LHX2: variants seen among roughly 807,000 people sequenced by gnomAD.
LHX2 encodes the protein LIM/homeobox protein Lhx2.
Under a neutral mutation model 33.0 loss-of-function variants are expected in LHX2, and 6 were observed. The ratio of observed to expected loss-of-function variants is 0.18; its 90% CI spans 0.10 to 0.36. LHX2 has a LOEUF of 0.36. Among genes scored for constraint, LHX2 ranks in the 10% least tolerant of loss-of-function variants. The pLI is 1.00. For missense variants in LHX2, 442 were observed against 586.2 expected, an observed-to-expected ratio of 0.75 and a Z score of 2.54; for synonymous variants, 292 against 253.1, an observed-to-expected ratio of 1.15 and a Z score of -1.46.
chr9:124,032,167 A>G lies in LHX2; in HGVS notation c.934-253A>G. Reference sequence around the variant, plus strand: ...TGAGGCGGGAGGATCGCTTGATCCCAGGAGTTAGAAGCTGCAGTGAGTCGA... The same window carrying G: ...TGAGGCGGGAGGATCGCTTGATCCCGGGAGTTAGAAGCTGCAGTGAGTCGA... On this transcript the variant is annotated intron_variant, in intron 4 of 4. Transcript: ENST00000373615. This position sits in a 1 kb window ranked among gnomAD's most constrained non-coding sequence, Gnocchi z 4.1. 2.3e-6 allele frequency: 1 copy of G among 433,318 alleles called. No individual in the cohort carries two copies. Among genetic ancestry groups the G allele is most frequent in the Non-Finnish European group, 4.1e-6 (1 of 246,738 alleles). 26.8% of individuals were successfully genotyped at this position (433,318 alleles called of 1,614,324 possible).
intron 3 of LHX2, among the ~76,000 whole-genome samples, chr9:124,018,899 G>C (rs1859243954): frequency 6.6e-6 from 1 of 152,086 alleles, no homozygotes; most frequent in African/African-American, 2.4e-5. Context: ...CCACCTAGGC[G>C]GCACTCAGGG....
At chr9:124,013,105 C>T (rs1859121856) in intron 1 of LHX2, among the ~76,000 whole-genome samples, 1 of 152,196 alleles carries the variant, frequency 6.6e-6, no homozygotes, top group South Asian at 2.1e-4. Context: ...CGGGCCCAGC[C>T]CCAAATAGCC....
intron 4 of LHX2, among the ~76,000 whole-genome samples, chr9:124,024,465 T>C (rs1373109684): frequency 6.6e-6 from 1 of 152,194 alleles, no homozygotes; most frequent in Non-Finnish European, 1.5e-5. Flanking sequence ...CTTTGAAAGG[T>C]AACAGACTGG....
At chr9:124,028,088 T>C (rs1828654823) in intron 4 of LHX2, among the ~76,000 whole-genome samples, 1 of 152,202 alleles carries the variant, frequency 6.6e-6, no homozygotes, top group African/African-American at 2.4e-5. Context: ...CTGATTTCCT[T>C]AGCATCCCAG....
At position 124,032,251 on chromosome 9, in the gene LHX2, A is replaced by G; in HGVS notation, c.934-169A>G. On this transcript the variant is annotated intron_variant, in intron 4 of 4. Coordinates refer to ENST00000373615, the MANE Select transcript of LHX2 (RefSeq NM_004789.4). The surrounding 1 kb of genome is among the most constrained non-coding windows in gnomAD (Gnocchi z 4.1). ...AGCCAGACCCTGTCTGCAAACAAAAACAAAAACAAAAAAACCAAAAAAGCA... is the reference window on the plus strand; with the variant it reads ...AGCCAGACCCTGTCTGCAAACAAAAGCAAAAACAAAAAAACCAAAAAAGCA... The G allele has an allele frequency of 6.7e-6, 5 of 741,738 alleles. No homozygotes were observed. Among genetic ancestry groups the G allele is most frequent in the Non-Finnish European group, 1.0e-5 (5 of 477,372 alleles). The allele number at this position is 741,738 out of a possible 1,614,324, so 45.9% of individuals were successfully genotyped here. A position where few individuals can be genotyped will look rare whatever the true frequency, so the allele number is the denominator to read the frequency against.
chr9:124,017,285 C>T (rs1859208418), intron 3 of LHX2, among the ~76,000 whole-genome samples: 1 of 152,202 alleles, frequency 6.6e-6, no homozygotes, highest in Admixed American at 6.5e-5. Context: ...TCCTCTCCGA[C>T]CTTGGCCGGG....
chr9:124,021,100 G>A lies in LHX2; in HGVS notation c.729G>A (p.Ala243=), dbSNP rs758826943. The change falls in exon 4 of 5, where the codon GCG becomes GCA. Residue 243 remains alanine, a splice_region_variant and synonymous_variant. Transcript: ENST00000373615. ...PGADLAAYNA[A]LSCNENDAEH... ...ACCGGCTCTGTGTCTCCTCCCTAGC[G>A]CTAAGCTGCAACGAAAACGACGCAG... is the stretch of plus-strand genomic sequence containing the variant. 3 of 1,613,980 alleles carry A rather than the reference G, an allele frequency of 1.9e-6. No homozygotes were observed. Among genetic ancestry groups the A allele is most frequent in the Middle Eastern group, 1.6e-4 (1 of 6,062 alleles).
At position 124,033,190 on chromosome 9, in the gene LHX2, A is replaced by C. The variant is rs1352075135; in HGVS notation, c.*483A>C. ...AAAAAAGAAAAAAAAAAAAGGAAAA[A>C]TCAAACCCCCTCCAACGGTCGCTTT... On this transcript the variant is annotated 3_prime_UTR_variant, in exon 5 of 5. Transcript: ENST00000373615. The C allele has an allele frequency of 6.6e-6, 1 of 152,470 alleles. No homozygotes were observed. Among genetic ancestry groups the C allele is most frequent in the Non-Finnish European group, 1.5e-5 (1 of 68,156 alleles). The allele number at this position is 152,470 out of a possible 1,614,324, so 9.4% of individuals were successfully genotyped here.
Position 124,012,177 on chromosome 9 carries a change from C to T in LHX2, c.-172C>T, listed in dbSNP as rs1859100610. ...CCTCGGCGGGAGGCGTCCTGCCCCG[C>T]GAGCGCCCGGGGCCCGGAGCCCGGC... On this transcript the variant is annotated 5_prime_UTR_variant, in exon 1 of 5. Coordinates refer to ENST00000373615, the MANE Select transcript of LHX2 (RefSeq NM_004789.4). This position sits in a 1 kb window ranked among gnomAD's most constrained non-coding sequence, Gnocchi z 4.3. The T allele has an allele frequency of 4.3e-6, 2 of 470,566 alleles. No homozygotes were observed. The highest frequency in any genetic ancestry group is 6.1e-6 in the Non-Finnish European group (2 of 329,202). The allele number at this position is 470,566 out of a possible 1,614,324, so 29.1% of individuals were successfully genotyped here.
At chr9:124,018,272 GAAA>G (rs35226188) in intron 3 of LHX2, among the ~76,000 whole-genome samples, 3 of 140,436 alleles carry the variant, frequency 2.1e-5, no homozygotes. Context: ...TAATTGAGAG[GAAA>G]AAAAAAAAAA....
Position 124,021,262 on chromosome 9 carries a change from G to A in LHX2, c.891G>A (p.Lys297=), listed in dbSNP as rs1283818721. ...INHNPDAKDL[K]QLAQKTGLTK... ...ACAACCCCGACGCCAAGGACTTGAA[G>A]CAGCTCGCGCAAAAGACGGGCCTCA... Residue 297 remains lysine (K), a synonymous_variant, in exon 4 of 5, where the codon AAG becomes AAA. Transcript: ENST00000373615. 6 of 1,614,094 alleles carry A rather than the reference G, an allele frequency of 3.7e-6. No individual in the cohort carries two copies. Among genetic ancestry groups the A allele is most frequent in the African/African-American group, 1.3e-5 (1 of 75,070 alleles).
rs1453524242 is a variant in LHX2, at chr9:124,012,637, G to A, written c.120+169G>A. ...TGGCTCCCGGTTCGGGGGAAACCCGGCTGCTGGGACGCAGAAGGGAAACAA... is the reference window on the plus strand; with the variant it reads ...TGGCTCCCGGTTCGGGGGAAACCCGACTGCTGGGACGCAGAAGGGAAACAA... On this transcript the variant is annotated intron_variant, in intron 1 of 4. Coordinates refer to ENST00000373615, the MANE Select transcript of LHX2 (RefSeq NM_004789.4). The surrounding 1 kb of genome is among the most constrained non-coding windows in gnomAD (Gnocchi z 4.3). Among the ~76,000 whole-genome samples, 1 of 152,250 alleles carries A rather than the reference G, an allele frequency of 6.6e-6. No individual in the cohort carries two copies. The highest frequency in any genetic ancestry group is 1.5e-5 in the Non-Finnish European group (1 of 68,042).
intron 4 of LHX2, among the ~76,000 whole-genome samples, chr9:124,029,231 G>A (rs1828675642): frequency 6.6e-6 from 1 of 152,146 alleles, no homozygotes; most frequent in Non-Finnish European, 1.5e-5. Flanking sequence ...CATGCTGGAG[G>A]GTGGCATGGA....
At chr9:124,023,172 A>G (rs1311343789) in intron 4 of LHX2, among the ~76,000 whole-genome samples, 1 of 152,170 alleles carries the variant, frequency 6.6e-6, no homozygotes, top group African/African-American at 2.4e-5. Flanking sequence ...TCTGCTTAGT[A>G]GGACCCTTCG....
At chr9:124,022,931 C>G (rs1042300208) in intron 4 of LHX2, among the ~76,000 whole-genome samples, 1 of 152,176 alleles carries the variant, frequency 6.6e-6, no homozygotes, top group African/African-American at 2.4e-5. Flanking sequence ...GATGCCGATG[C>G]GCCCCTCTGG....
At chr9:124,022,790 G>A (rs1041857751) in intron 4 of LHX2, among the ~76,000 whole-genome samples, 3 of 152,240 alleles carry the variant, frequency 2.0e-5, no homozygotes, top group Non-Finnish European at 4.4e-5. Flanking sequence ...GCTGCGGGGG[G>A]AGCCGGGAGT....
Position 124,021,270 on chromosome 9 carries a change from C to A in LHX2, c.899C>A (p.Ala300Glu). ...GACGCCAAGGACTTGAAGCAGCTCG[C>A]GCAAAAGACGGGCCTCACCAAGCGG... ...NPDAKDLKQL[A>E]QKTGLTKRVL... Residue 300 changes from alanine to glutamate, a missense_variant, in exon 4 of 5, where the codon GCG becomes GAG. Physicochemically the swap from Ala to Glu is moderately radical, Grantham distance 107. Around this residue, in one of 5 missense-constraint regions of LHX2, gnomAD observed 32 missense variants for 95.3 expected, o/e 0.34. Transcript: ENST00000373615. 2 of 1,613,990 alleles carry A rather than the reference C, an allele frequency of 1.2e-6. No homozygotes were observed. Among genetic ancestry groups the A allele is most frequent in the Non-Finnish European group, 1.7e-6 (2 of 1,180,046 alleles).
rs201275891 is a variant in LHX2, at chr9:124,018,435, TC to T, written c.728-2659del. 3.6e-4 allele frequency among the ~76,000 whole-genome samples: 54 copies of T among 151,760 alleles called. No homozygotes were observed. The East Asian group carries it at 0.011, about 30-fold the overall frequency. On this transcript the variant is annotated intron_variant, in intron 3 of 4. Coordinates refer to ENST00000373615, the MANE Select transcript of LHX2 (RefSeq NM_004789.4). ...GCCAAACCTGGGCCCCACGGCTGCCTCCCCCGCCGCCGCCCCCTGCCCTTGC... is the reference window on the plus strand; with the variant it reads ...GCCAAACCTGGGCCCCACGGCTGCCTCCCCGCCGCCGCCCCCTGCCCTTGC...
In LHX2 at chr9:124,015,013, TCGTCTTGAGGAGGG is replaced by T; in HGVS notation, c.324-108_324-95del. The T allele has an allele frequency of 7.8e-7, 1 of 1,288,668 alleles. No homozygotes were observed. Among genetic ancestry groups the T allele is most frequent in the South Asian group, 1.4e-5 (1 of 72,908 alleles). 79.8% of individuals were successfully genotyped at this position (1,288,668 alleles called of 1,614,324 possible). A position where few individuals can be genotyped will look rare whatever the true frequency, so the allele number is the denominator to read the frequency against. On this transcript the variant is annotated intron_variant, in intron 2 of 4. Transcript: ENST00000373615. The surrounding 1 kb of genome is among the most constrained non-coding windows in gnomAD (Gnocchi z 7.9). Reference sequence around the variant, plus strand: ...ATCCTCCAAATAAAGGCCGGGTTGTTCGTCTTGAGGAGGGGATTGCCCCCCGCAGCAGCAGCGGC... The same window carrying T: ...ATCCTCCAAATAAAGGCCGGGTTGTTGATTGCCCCCCGCAGCAGCAGCGGC...
Sources: allele counts gnomAD v4.1 joint callset (sites outside exome capture counted in the v4.1 genomes callset), GRCh38; gene constraint gnomAD v4.1.1; regional missense constraint gnomAD v4.1.1; non-coding constraint Gnocchi (gnomAD v3.1); transcripts MANE v1.5; gene names NCBI Gene and HGNC (gene_info 2026-07-23, HGNC 2026-07-21).